Variants in CLCN3 observed in about 807,000 individuals in gnomAD.
CLCN3 encodes H(+)/Cl(-) exchange transporter 3.
Under a neutral mutation model 83.4 loss-of-function variants are expected in CLCN3, and 16 were observed. The observed-to-expected ratio is 0.19, with a 90% CI of 0.13 to 0.29. CLCN3 has a LOEUF of 0.29. Ranked by LOEUF, CLCN3 falls within the 10% of genes least tolerant of loss-of-function variation. CLCN3 has a pLI of 1.00. For missense variants in CLCN3, 544 were observed against 1,006.0 expected (o/e 0.54, Z 6.21); for synonymous variants, 322 against 346.2 (o/e 0.93, Z 0.78).
At chr4:169,621,644 A>G (rs1018669004) in intron 1 of CLCN3, among the ~76,000 whole-genome samples, 1 of 152,238 alleles carries the variant, frequency 6.6e-6, no homozygotes, top group African/African-American at 2.4e-5. Context: ...AACAGCGACC[A>G]TACCTTTTAC....
chr4:169,627,645 A>T (rs1773268266), intron 1 of CLCN3, among the ~76,000 whole-genome samples: 1 of 152,184 alleles, frequency 6.6e-6, no homozygotes, highest in Non-Finnish European at 1.5e-5. Context: ...GTAAACTGAG[A>T]TAGGAAAAGT....
chr4:169,715,283 A>T (rs970372923), intron 12 of CLCN3, among the ~76,000 whole-genome samples: 29 of 152,114 alleles, frequency 1.9e-4, no homozygotes, highest in African/African-American at 6.3e-4. Flanking sequence ...GTGGATAGCT[A>T]ATTAAAATTT....
chr4:169,660,775 A>G (rs1353974205), intron 2 of CLCN3, among the ~76,000 whole-genome samples: 1 of 152,206 alleles, frequency 6.6e-6, no homozygotes, highest in Non-Finnish European at 1.5e-5. Context: ...TCTAAAAAGT[A>G]ATGTTTTTCT....
intron 1 of CLCN3, among the ~76,000 whole-genome samples, chr4:169,635,440 A>G (rs922934859): frequency 2.0e-5 from 3 of 152,286 alleles, no homozygotes; most frequent in African/African-American, 7.2e-5. Context: ...AAATTTTAAA[A>G]GGATGAAAGG....
In CLCN3 at chr4:169,719,646, C is replaced by T. The variant is rs1733558049; in HGVS notation, c.2367-261C>T. Among the ~76,000 whole-genome samples, 3 of 151,372 alleles carry T rather than the reference C, an allele frequency of 2.0e-5. No homozygotes were observed. The South Asian group carries it at 6.3e-4, about 32-fold the overall frequency. Reference sequence around the variant, plus strand: ...TGTTGGCATACATTAATCAAAATAGCTCTGCTTCATTGAGGCATGCAGTCC... The same window carrying T: ...TGTTGGCATACATTAATCAAAATAGTTCTGCTTCATTGAGGCATGCAGTCC... On this transcript the variant is annotated intron_variant, in intron 12 of 12. Coordinates refer to ENST00000513761, the MANE Select transcript of CLCN3 (RefSeq NM_001829.4).
At chr4:169,686,503 GC>G (rs1732163513) in intron 3 of CLCN3, among the ~76,000 whole-genome samples, 1 of 150,742 alleles carries the variant, frequency 6.6e-6, no homozygotes, top group Non-Finnish European at 1.5e-5. Flanking sequence ...TGCCACCTCC[GC>G]CTCCCGGTTT....
intron 2 of CLCN3, among the ~76,000 whole-genome samples, chr4:169,657,857 C>T (rs894611432): frequency 1.3e-5 from 2 of 152,126 alleles, no homozygotes; most frequent in Non-Finnish European, 2.9e-5. Flanking sequence ...TCCACCCTGA[C>T]TGTAATTCAG....
chr4:169,713,091 A>G lies in CLCN3; in HGVS notation c.2162A>G (p.Lys721Arg), dbSNP rs1355347360. Reference protein sequence around the residue: ...DLTIAIESARKKQEGIVGSSR... With the variant: ...DLTIAIESARRKQEGIVGSSR... ...TCTCTCTTTTCAGAAAGTGCCAGGAAAAAACAAGAAGGTATCGTTGGCAGT... is the reference window on the plus strand; with the variant it reads ...TCTCTCTTTTCAGAAAGTGCCAGGAGAAAACAAGAAGGTATCGTTGGCAGT... The change falls in exon 12 of 13, where the codon AAA becomes AGA. Residue 721 changes from lysine (K) to arginine (R), a missense_variant. Physicochemically the swap from Lys to Arg is conservative, Grantham distance 26 (BLOSUM62 2). Coordinates refer to ENST00000513761, the MANE Select transcript of CLCN3 (RefSeq NM_001829.4). The G allele has an allele frequency of 6.2e-7, 1 of 1,614,048 alleles. No individual in the cohort carries two copies. The highest frequency in any genetic ancestry group is 1.3e-5 in the African/African-American group (1 of 75,058).
intron 11 of CLCN3, among the ~76,000 whole-genome samples, chr4:169,712,222 A>G (rs1326589784): frequency 6.6e-6 from 1 of 152,172 alleles, no homozygotes; most frequent in African/African-American, 2.4e-5. Flanking sequence ...ATACTAACTC[A>G]AAGTAGAAAC....
chr4:169,657,648 G>A (rs1259583524), intron 2 of CLCN3, among the ~76,000 whole-genome samples: 2 of 152,146 alleles, frequency 1.3e-5, no homozygotes, highest in African/African-American at 4.8e-5. Context: ...GAGAGGTTGT[G>A]ATTTATCCAG....
At chr4:169,676,798 C>T (rs1309208810) in intron 2 of CLCN3, among the ~76,000 whole-genome samples, 1 of 151,804 alleles carries the variant, frequency 6.6e-6, no homozygotes, top group African/African-American at 2.4e-5. Flanking sequence ...GCACCTGGCC[C>T]AAAAGCTCTT....
intron 2 of CLCN3, among the ~76,000 whole-genome samples, chr4:169,672,561 G>T (rs1236394737): frequency 6.6e-6 from 1 of 152,102 alleles, no homozygotes. Context: ...AAATCGAGAG[G>T]TGAAATTGGA....
chr4:169,635,861 G>C (rs986532357), intron 1 of CLCN3, 52 bp from the exon 2 acceptor site: 6 of 1,408,906 alleles, frequency 4.3e-6, no homozygotes, highest in Non-Finnish European at 5.7e-6. Context: ...TAAACTAGAT[G>C]ATTTTTATTG....
At chr4:169,624,736 A>G (rs535360595) in intron 1 of CLCN3, among the ~76,000 whole-genome samples, 1 of 152,340 alleles carries the variant, frequency 6.6e-6, no homozygotes, top group African/African-American at 2.4e-5. Flanking sequence ...GTACATTGTT[A>G]GCTATTCTAT....
intron 2 of CLCN3, among the ~76,000 whole-genome samples, chr4:169,666,210 T>C (rs180770782): frequency 6.4e-4 from 98 of 152,280 alleles, no homozygotes; most frequent in Non-Finnish European, 8.8e-5. Context: ...ATATACCAAG[T>C]AGTAAGAGTA....
chr4:169,631,410 C>T (rs574746915), intron 1 of CLCN3, among the ~76,000 whole-genome samples: 97 of 152,244 alleles, frequency 6.4e-4, no homozygotes, highest in Middle Eastern at 3.4e-3. Flanking sequence ...CCCCAGCCTC[C>T]GGAGTAGCTG....
intron 2 of CLCN3, among the ~76,000 whole-genome samples, chr4:169,656,511 C>T (rs1730890185): frequency 6.6e-6 from 1 of 152,146 alleles, no homozygotes; most frequent in East Asian, 1.9e-4. Flanking sequence ...CAGGCCCCGC[C>T]TCCAACATTG....
chr4:169,668,052 T>G (rs1731315088), intron 2 of CLCN3, among the ~76,000 whole-genome samples: 1 of 150,930 alleles, frequency 6.6e-6, no homozygotes, highest in Non-Finnish European at 1.5e-5. Flanking sequence ...CATTTTTTTT[T>G]TTTTTTTTTT....
At chr4:169,717,968 C>T (rs904514154) in intron 12 of CLCN3, 2 of 670,396 alleles carry the variant, frequency 3.0e-6, no homozygotes, top group East Asian at 2.7e-5. Context: ...ATCTGCTGAA[C>T]AAAAATATCC....
Sources: gnomAD v4.1 joint callset for allele counts (sites outside exome capture counted in the v4.1 genomes callset) on GRCh38, gnomAD v4.1.1 for gene constraint, MANE v1.5 for transcripts, NCBI Gene and HGNC (gene_info 2026-07-23, HGNC 2026-07-21) for gene names.